Variants in CMSS1 observed in about 807,000 individuals in gnomAD.
CMSS1 encodes the protein cms1 ribosomal small subunit homolog, also known as protein CMSS1.
Under a neutral mutation model 43.5 loss-of-function variants are expected in CMSS1, and 33 were observed. That is an observed-to-expected ratio of 0.76 (90% confidence interval 0.57 to 1.01). CMSS1 has a LOEUF of 1.01. CMSS1 is among the 50% of genes least tolerant of loss of function. The pLI is 0.00. For synonymous variants in CMSS1, 115 were observed against 117.2 expected (o/e 0.98, Z 0.12); for missense variants, 313 against 326.4 (o/e 0.96, Z 0.32).
At chr3:99,826,808 A>G (rs1237080770) in intron 1 of CMSS1, among the ~76,000 whole-genome samples, 1 of 152,214 alleles carries the variant, frequency 6.6e-6, no homozygotes. Flanking sequence ...AGGTAAATAA[A>G]TGAAGGACCA....
intron 1 of CMSS1, among the ~76,000 whole-genome samples, chr3:99,833,622 G>C (rs908028207): frequency 6.6e-6 from 1 of 152,200 alleles, no homozygotes; most frequent in Admixed American, 6.5e-5. Context: ...AATTAATTTT[G>C]TAAGTGCTTT....
chr3:99,862,674 T>C (rs1002880714), intron 1 of CMSS1, among the ~76,000 whole-genome samples: 3 of 152,218 alleles, frequency 2.0e-5, no homozygotes, highest in Non-Finnish European at 4.4e-5. Flanking sequence ...TGCAGAGAAA[T>C]TGAGTCTGGT....
chr3:99,928,773 G>A (rs891707423), intron 1 of CMSS1, among the ~76,000 whole-genome samples: 4 of 152,206 alleles, frequency 2.6e-5, no homozygotes, highest in Non-Finnish European at 5.9e-5. Context: ...CTGTTTCATA[G>A]TTAATATGTT....
At chr3:100,010,751 ATTACAG>A (rs1260965230) in intron 1 of CMSS1, among the ~76,000 whole-genome samples, 1 of 142,722 alleles carries the variant, frequency 7.0e-6, no homozygotes, top group Non-Finnish European at 1.5e-5. Context: ...AGTAGCTGGG[ATTACAG>A]GTGCGCGCCT....
intron 1 of CMSS1, among the ~76,000 whole-genome samples, chr3:100,082,645 T>A (rs1039969601): frequency 2.0e-5 from 3 of 152,172 alleles, no homozygotes; most frequent in Non-Finnish European, 4.4e-5. Context: ...GGGTAACTAT[T>A]TTTTGGTTAT....
intron 1 of CMSS1, among the ~76,000 whole-genome samples, chr3:100,039,153 T>G (rs1278273787): frequency 2.0e-5 from 3 of 152,236 alleles, no homozygotes; most frequent in Non-Finnish European, 4.4e-5. Context: ...TAATAATAGT[T>G]CATCAAACAC....
intron 1 of CMSS1, among the ~76,000 whole-genome samples, chr3:99,998,771 G>A (rs1387683994): frequency 1.3e-5 from 2 of 152,098 alleles, no homozygotes; most frequent in Non-Finnish European, 2.9e-5. Context: ...GGGTTTCACC[G>A]TATTAGCCAG....
chr3:99,872,319 G>GTGTTT (rs1372853806), intron 1 of CMSS1, among the ~76,000 whole-genome samples: 3 of 148,912 alleles, frequency 2.0e-5, no homozygotes, highest in African/African-American at 7.5e-5. Flanking sequence ...GTGTGTGTGT[G>GTGTTT]TGTGACTGTG....
At chr3:99,920,718 T>C (rs1576573563) in intron 1 of CMSS1, among the ~76,000 whole-genome samples, 1 of 150,438 alleles carries the variant, frequency 6.6e-6, no homozygotes, top group East Asian at 2.0e-4. Flanking sequence ...GCGACATCAC[T>C]TGGCAAACAT....
At chr3:99,974,520 A>T (rs1009036278) in intron 1 of CMSS1, among the ~76,000 whole-genome samples, 1 of 151,926 alleles carries the variant, frequency 6.6e-6, no homozygotes, top group Non-Finnish European at 1.5e-5. Flanking sequence ...GACCAGCCTG[A>T]CCAACATGGA....
At chr3:100,047,277 A>G (rs2065292536) in intron 1 of CMSS1, among the ~76,000 whole-genome samples, 1 of 152,212 alleles carries the variant, frequency 6.6e-6, no homozygotes. Context: ...ACATTTTTAG[A>G]AGAAAAAAAG....
At chr3:100,013,145 G>A (rs1399994074) in intron 1 of CMSS1, among the ~76,000 whole-genome samples, 1 of 152,034 alleles carries the variant, frequency 6.6e-6, no homozygotes, top group African/African-American at 2.4e-5. Flanking sequence ...CCAAAGTGCT[G>A]GGATTGTTGG....
chr3:100,024,826 G>A (rs1213505699), intron 1 of CMSS1, among the ~76,000 whole-genome samples: 1 of 152,084 alleles, frequency 6.6e-6, no homozygotes, highest in Non-Finnish European at 1.5e-5. Context: ...GGTCCAGGGT[G>A]GTTACAAGGC....
chr3:100,043,142 CA>C (rs1320810177), intron 1 of CMSS1, among the ~76,000 whole-genome samples: 2 of 152,170 alleles, frequency 1.3e-5, no homozygotes, highest in Non-Finnish European at 2.9e-5. Flanking sequence ...CTCAAATTGA[CA>C]AGAAGTACTC....
intron 1 of CMSS1, among the ~76,000 whole-genome samples, chr3:100,050,688 G>C (rs955945741): frequency 6.6e-6 from 1 of 152,076 alleles, no homozygotes; most frequent in African/African-American, 2.4e-5. Context: ...GCGCCACCTT[G>C]CCTGGCTAAT....
intron 1 of CMSS1, among the ~76,000 whole-genome samples, chr3:99,985,642 G>A (rs1429444329): frequency 6.6e-6 from 1 of 151,696 alleles, no homozygotes; most frequent in Non-Finnish European, 1.5e-5. Context: ...AGGCTGGAGT[G>A]CAATGGCATG....
intron 1 of CMSS1, chr3:99,850,539 C>T (rs1417142023): frequency 2.5e-6 from 4 of 1,613,672 alleles, no homozygotes; most frequent in South Asian, 2.2e-5. Flanking sequence ...CCATATCTAG[C>T]ACACGTTTCC....
intron 1 of CMSS1, among the ~76,000 whole-genome samples, chr3:100,119,460 T>C (rs1249171565): frequency 6.6e-6 from 1 of 152,236 alleles, no homozygotes; most frequent in Admixed American, 6.5e-5. Flanking sequence ...AATCCCATGT[T>C]ATTGCAATTG....
intron 1 of CMSS1, among the ~76,000 whole-genome samples, chr3:99,818,261 G>A (rs532852558): frequency 2.0e-5 from 3 of 152,240 alleles, no homozygotes; most frequent in Non-Finnish European, 4.4e-5. Context: ...AGCCAGGAAG[G>A]ATCCTTTCCA....
Sources: gnomAD v4.1 joint callset for allele counts (sites outside exome capture counted in the v4.1 genomes callset) on GRCh38, gnomAD v4.1.1 for gene constraint, MANE v1.5 for transcripts, NCBI Gene and HGNC (gene_info 2026-07-23, HGNC 2026-07-21) for gene names.